PTPRT: variants seen among roughly 807,000 people sequenced by gnomAD.
The protein encoded by PTPRT is protein tyrosine phosphatase receptor type T, also known as receptor-type tyrosine-protein phosphatase T.
PTPRT carries 56 observed loss-of-function variants against 176.8 expected under a neutral mutation model. The ratio of observed to expected loss-of-function variants is 0.32; its 90% CI spans 0.26 to 0.40. The LOEUF (loss-of-function observed/expected upper bound fraction) is 0.40. PTPRT is among the 10% of genes least tolerant of loss of function. PTPRT has a pLI of 1.00. For synonymous variants in PTPRT, 783 were observed against 739.0 expected (o/e 1.06, Z -0.96); for missense variants, 1,540 against 1,908.2 (o/e 0.81, Z 3.60).
At chr20:42,683,502 T>C (rs1376158753) in intron 6 of PTPRT, among the ~76,000 whole-genome samples, 2 of 152,184 alleles carry the variant, frequency 1.3e-5, no homozygotes, top group African/African-American at 2.4e-5. Flanking sequence ...GGTCTCAAAC[T>C]CCTTATCTCA....
At chr20:42,279,180 T>C (rs1173385235) in intron 13 of PTPRT, among the ~76,000 whole-genome samples, 1 of 152,154 alleles carries the variant, frequency 6.6e-6, no homozygotes, top group African/African-American at 2.4e-5. Context: ...TTCCCAGGTC[T>C]AGAGTGTGTC....
At chr20:42,814,212 T>C (rs552052987) in intron 2 of PTPRT, among the ~76,000 whole-genome samples, 6 of 152,304 alleles carry the variant, frequency 3.9e-5, no homozygotes, top group Non-Finnish European at 8.8e-5. Context: ...AACTTGCATT[T>C]GATAGTTTTC....
intron 6 of PTPRT, among the ~76,000 whole-genome samples, chr20:42,749,123 C>G (rs2076732904): frequency 6.6e-6 from 1 of 152,248 alleles, no homozygotes; most frequent in Non-Finnish European, 1.5e-5. Context: ...AAAGGAAGAA[C>G]AGCTGGATGC....
At chr20:42,713,073 T>C (rs549836002) in intron 6 of PTPRT, among the ~76,000 whole-genome samples, 6 of 152,088 alleles carry the variant, frequency 3.9e-5, no homozygotes, top group Non-Finnish European at 7.4e-5. Context: ...GAAGATAATA[T>C]GATGGGGATT....
At chr20:42,665,736 A>G (rs973087666) in intron 7 of PTPRT, among the ~76,000 whole-genome samples, 1 of 152,170 alleles carries the variant, frequency 6.6e-6, no homozygotes, top group African/African-American at 2.4e-5. Context: ...AATGTGGCAC[A>G]TATACACCAT....
chr20:43,023,341 A>G (rs1042524042), intron 1 of PTPRT, among the ~76,000 whole-genome samples: 1 of 152,202 alleles, frequency 6.6e-6, no homozygotes, highest in Non-Finnish European at 1.5e-5. Context: ...CTGCATGCTC[A>G]TGCTGTTCTG....
At chr20:43,021,110 T>C (rs206154) in intron 1 of PTPRT, among the ~76,000 whole-genome samples, 121,181 of 152,062 alleles carry the variant, frequency 0.8, 48,480 homozygotes, top group South Asian at 0.91. Context: ...ATGTGTATCC[T>C]CCCTAAAAAA....
At chr20:42,666,731 A>T (rs2075323203) in intron 7 of PTPRT, among the ~76,000 whole-genome samples, 1 of 152,228 alleles carries the variant, frequency 6.6e-6, no homozygotes, top group Non-Finnish European at 1.5e-5. Context: ...TTTCATATAC[A>T]TGCTGCACAA....
the PTPRT span, chr20:42,063,432 C>T: frequency 6.6e-6 from 1 of 152,174 alleles, no homozygotes; most frequent in Non-Finnish European, 1.5e-5. Flanking sequence ...GCTGATTGCT[C>T]TCCAAGGCCA....
intron 15 of PTPRT, among the ~76,000 whole-genome samples, chr20:42,232,554 T>C (rs1007529731): frequency 6.6e-6 from 1 of 151,952 alleles, no homozygotes; most frequent in African/African-American, 2.4e-5. Flanking sequence ...TGGGGGGCCA[T>C]CATTTCCTTT....
intron 1 of PTPRT, among the ~76,000 whole-genome samples, chr20:42,897,090 GTTTGA>G (rs1359628008): frequency 2.0e-5 from 3 of 152,128 alleles, no homozygotes; most frequent in African/African-American, 7.2e-5. Context: ...TCCAATTAGT[GTTTGA>G]TTTATTTGCT....
At chr20:42,569,258 T>C (rs910687283) in intron 7 of PTPRT, among the ~76,000 whole-genome samples, 1 of 151,474 alleles carries the variant, frequency 6.6e-6, no homozygotes, top group Non-Finnish European at 1.5e-5. Context: ...CAAAAGTTAC[T>C]GTGAGTAAAT....
At chr20:42,066,185 A>G in the PTPRT span, among the ~76,000 whole-genome samples, 1 of 150,908 alleles carries the variant, frequency 6.6e-6, no homozygotes, top group African/African-American at 2.4e-5. Flanking sequence ...GATTACAGGC[A>G]CGTGCCACCA....
chr20:42,283,306 C>A (rs1444557302), intron 12 of PTPRT, among the ~76,000 whole-genome samples: 1 of 152,118 alleles, frequency 6.6e-6, no homozygotes. Context: ...ATACCCCCAA[C>A]AACAGTCTGA....
intron 9 of PTPRT, among the ~76,000 whole-genome samples, chr20:42,381,637 G>A (rs2058699260): frequency 6.6e-6 from 1 of 152,120 alleles, no homozygotes; most frequent in African/African-American, 2.4e-5. Context: ...GTTTTAGGGT[G>A]AGTGAAAGGA....
intron 18 of PTPRT, among the ~76,000 whole-genome samples, chr20:42,135,166 T>C (rs1296644327): frequency 6.6e-6 from 1 of 152,174 alleles, no homozygotes; most frequent in Non-Finnish European, 1.5e-5. Context: ...AAGGCAGACC[T>C]GAGGCTTGTC....
chr20:42,246,242 G>A (rs2056448863), intron 14 of PTPRT, among the ~76,000 whole-genome samples: 1 of 152,072 alleles, frequency 6.6e-6, no homozygotes, highest in African/African-American at 2.4e-5. Context: ...GGAAGACATT[G>A]TAGGTTAGTG....
At chr20:42,450,346 A>G (rs1273401419) in intron 8 of PTPRT, among the ~76,000 whole-genome samples, 1 of 152,136 alleles carries the variant, frequency 6.6e-6, no homozygotes, top group Non-Finnish European at 1.5e-5. Flanking sequence ...ACCATTCTGG[A>G]CTCCCCAACA....
At chr20:42,889,625 A>G (rs545009312) in intron 1 of PTPRT, among the ~76,000 whole-genome samples, 29 of 152,304 alleles carry the variant, frequency 1.9e-4, no homozygotes, top group African/African-American at 6.5e-4. Flanking sequence ...TATCACTCAT[A>G]CATGTCTGAA....
Sources: allele counts gnomAD v4.1 joint callset (sites outside exome capture counted in the v4.1 genomes callset), GRCh38; gene constraint gnomAD v4.1.1; transcripts MANE v1.5; gene names NCBI Gene and HGNC (gene_info 2026-07-23, HGNC 2026-07-21).